Variants in CABIN1 observed in about 807,000 individuals in gnomAD.
CABIN1 encodes calcineurin binding protein 1, also known as calcineurin-binding protein cabin-1.
In CABIN1, 133 loss-of-function variants were observed where a neutral mutation model predicts 227.7. The observed-to-expected ratio is 0.58, with a 90% confidence interval of 0.51 to 0.67. The LOEUF (loss-of-function observed/expected upper bound fraction) is 0.67, where lower values mean the gene tolerates loss of function less well. CABIN1 is among the 30% of genes least tolerant of loss of function. CABIN1 has a pLI of 0.00. For missense variants in CABIN1, 2,408 were observed against 2,852.5 expected (o/e 0.84, Z 3.55); for synonymous variants, 1,086 against 1,155.1 (o/e 0.94, Z 1.21).
chr22:24,178,078 C>T lies in CABIN1; in HGVS notation c.6545C>T (p.Ala2182Val). The T allele has an allele frequency of 6.2e-7, 1 of 1,613,802 alleles. No homozygotes were observed. Among genetic ancestry groups the T allele is most frequent in the Non-Finnish European group, 8.5e-7 (1 of 1,179,976 alleles). Residue 2182 changes from alanine to valine, a missense_variant, in exon 37 of 37, where the codon GCT (alanine) becomes GTT (valine). By Grantham distance (64) the Ala-to-Val change is moderately conservative (BLOSUM62 0). Around this residue, in one of 3 missense-constraint regions of CABIN1, gnomAD observed 714 missense variants for 773.8 expected, o/e 0.92. Transcript: ENST00000263119. Reference protein sequence around the residue: ...LKSAILSAQSAANVRKESLCQ... With the variant: ...LKSAILSAQSVANVRKESLCQ... ...TCAGCCATCCTTTCTGCCCAGTCTG[C>T]TGCCAACGTGAGGAAGGAGAGCCTA...
intron 19 of CABIN1, among the ~76,000 whole-genome samples, chr22:24,078,415 T>G (rs565272483): frequency 4.6e-5 from 7 of 152,320 alleles, no homozygotes; most frequent in African/African-American, 1.4e-4. Flanking sequence ...GTTGAATGCT[T>G]CATTACTACC....
rs1569185190 is a variant in CABIN1, at chr22:24,083,325, G to C, written c.2846G>C (p.Cys949Ser). ...ACAGCCTTGGAGCAGTGCTTCTACTGCCTGTACAGCTTCCCCAGCAAGAAG... is the reference window on the plus strand; with the variant it reads ...ACAGCCTTGGAGCAGTGCTTCTACTCCCTGTACAGCTTCCCCAGCAAGAAG... ...LETALEQCFY[C>S]LYSFPSKKSK... is the part of the protein sequence containing the mutation. The change falls in exon 20 of 37, where the codon TGC (cysteine) becomes TCC (serine). Residue 949 changes from cysteine to serine, a missense_variant. This residue lies in a region of CABIN1 where 649 missense variants were observed against 910.3 expected (regional missense o/e 0.71). Transcript: ENST00000263119. 3 of 1,613,742 alleles carry C rather than the reference G, an allele frequency of 1.9e-6. No individual in the cohort carries two copies. Among genetic ancestry groups the C allele is most frequent in the Non-Finnish European group, 2.5e-6 (3 of 1,180,034 alleles).
chr22:24,096,658 C>T (rs960502421), intron 25 of CABIN1, among the ~76,000 whole-genome samples: 4 of 152,308 alleles, frequency 2.6e-5, no homozygotes, highest in South Asian at 2.1e-4. Context: ...GTCCTGGTGC[C>T]GCCCCATCCT....
At chr22:24,071,292 C>A in intron 17 of CABIN1, 1 of 549,742 alleles carries the variant, frequency 1.8e-6, no homozygotes, top group South Asian at 2.0e-5. Flanking sequence ...CCAGACCATC[C>A]GTCCCAGAGG....
intron 25 of CABIN1, among the ~76,000 whole-genome samples, chr22:24,097,399 A>G (rs923923523): frequency 6.6e-6 from 1 of 152,204 alleles, no homozygotes; most frequent in Non-Finnish European, 1.5e-5. Context: ...TGAACTACAG[A>G]AGGTATTGTT....
intron 28 of CABIN1, among the ~76,000 whole-genome samples, chr22:24,123,208 C>T (rs984200454): frequency 6.6e-6 from 1 of 152,208 alleles, no homozygotes; most frequent in Non-Finnish European, 1.5e-5. Flanking sequence ...TATCCCCAGA[C>T]AACCCCCAGT....
chr22:24,114,864 C>T (rs1435784851), intron 27 of CABIN1, among the ~76,000 whole-genome samples: 2 of 152,232 alleles, frequency 1.3e-5, no homozygotes, highest in Admixed American at 1.3e-4. Flanking sequence ...GAAGTATCCC[C>T]ATTAGGGGAC....
rs762975631 is a variant in CABIN1, at chr22:24,059,214, A to G, written c.1263-13A>G. The G allele has an allele frequency of 4.3e-6, 7 of 1,614,064 alleles. No homozygotes were observed. In the African/African-American group the frequency reaches 8.0e-5, roughly 18 times the overall value. ...TGTGTTGTGACTTTGTGATTTTGGC[A>G]TGTTACATGCAGGTTAAGAAAGCTG... On this transcript the variant is annotated splice_polypyrimidine_tract_variant and intron_variant, in intron 10 of 36. Transcript: ENST00000263119.
intron 28 of CABIN1, among the ~76,000 whole-genome samples, chr22:24,119,907 A>G (rs2043302163): frequency 6.6e-6 from 1 of 152,234 alleles, no homozygotes; most frequent in Admixed American, 6.5e-5. Flanking sequence ...GGTCACAGCC[A>G]GGAATGGAGG....
intron 24 of CABIN1, among the ~76,000 whole-genome samples, chr22:24,094,631 C>A (rs2041763810): frequency 6.6e-6 from 1 of 151,430 alleles, no homozygotes; most frequent in Non-Finnish European, 1.5e-5. Context: ...TCCTGGCTAA[C>A]AAGGTGAAAC....
At chr22:24,155,763 G>A in intron 29 of CABIN1, 1 of 380,222 alleles carries the variant, frequency 2.6e-6, no homozygotes, top group Admixed American at 4.7e-5. Flanking sequence ...TGCCATCCCG[G>A]CCTGCCGCAC....
chr22:24,059,107 C>A, intron 10 of CABIN1, 120 bp from the exon 11 acceptor site: 1 of 1,289,298 alleles, frequency 7.8e-7, no homozygotes, highest in Non-Finnish European at 1.1e-6. Flanking sequence ...TGGACCCCAC[C>A]ACCCACTTAT....
rs151110576 is a variant in CABIN1 at position 24,065,969 on chromosome 22, G to A, written c.2038-1018G>A. ...GATGGCAGCAGTACAGTCCAGCTTC[G>A]GCTTGGCATCAGAGGGAGACCGTGG... On this transcript the variant is annotated intron_variant, in intron 15 of 36. Transcript: ENST00000263119. 9.4e-3 allele frequency among the ~76,000 whole-genome samples: 1,439 copies of A among 152,356 alleles called. 29 individuals carry two copies. Among genetic ancestry groups the A allele is most frequent in the African/African-American group, 0.032 (1,351 of 41,576 alleles).
chr22:24,112,382 C>T (rs1005818988), intron 26 of CABIN1, among the ~76,000 whole-genome samples: 5 of 152,182 alleles, frequency 3.3e-5, no homozygotes, highest in African/African-American at 9.7e-5. Context: ...TCACTGCAGC[C>T]TTAACCTCCC....
chr22:24,176,914 T>C (rs1246911705), intron 35 of CABIN1, among the ~76,000 whole-genome samples: 2 of 152,182 alleles, frequency 1.3e-5, no homozygotes, highest in African/African-American at 4.8e-5. Flanking sequence ...TTTAAAGCCA[T>C]GGGGCTGCAG....
chr22:24,120,375 G>A (rs555577550), intron 28 of CABIN1, among the ~76,000 whole-genome samples: 4 of 152,322 alleles, frequency 2.6e-5, no homozygotes, highest in African/African-American at 4.8e-5. Context: ...TTCTGCTGGC[G>A]TTTAGATTTG....
chr22:24,118,499 A>G, intron 27 of CABIN1, among the ~76,000 whole-genome samples: 1 of 152,098 alleles, frequency 6.6e-6, no homozygotes, highest in Middle Eastern at 3.2e-3. Context: ...CAGCCATCGC[A>G]TACCACCTCA....
chr22:24,132,648 C>T (rs1339433069), intron 28 of CABIN1, among the ~76,000 whole-genome samples: 4 of 152,172 alleles, frequency 2.6e-5, no homozygotes, highest in South Asian at 2.1e-4. Context: ...AGTGCAGTGG[C>T]ATAATCTCGG....
intron 1 of CABIN1, among the ~76,000 whole-genome samples, chr22:24,027,308 C>G (rs947555728): frequency 6.6e-6 from 1 of 152,172 alleles, no homozygotes; most frequent in Non-Finnish European, 1.5e-5. Flanking sequence ...GGCAATCATG[C>G]TATCTCTGAA....
Sources: gnomAD v4.1 joint callset for allele counts (sites outside exome capture counted in the v4.1 genomes callset) on GRCh38, gnomAD v4.1.1 for gene constraint, gnomAD v4.1.1 regional missense constraint, MANE v1.5 for transcripts, NCBI Gene and HGNC (gene_info 2026-07-23, HGNC 2026-07-21) for gene names.